ARX: variants seen among roughly 807,000 people sequenced by gnomAD.
The protein encoded by ARX is aristaless related homeobox.
Under a neutral mutation model 23.1 loss-of-function variants are expected in ARX, and 1 was observed. That is an observed-to-expected ratio of 0.04 (90% CI 0.02 to 0.21). The LOEUF (loss-of-function observed/expected upper bound fraction) is 0.21, where lower values mean the gene tolerates loss of function less well. ARX is among the 10% of genes least tolerant of loss of function. The pLI, the probability that ARX is intolerant of heterozygous loss-of-function variation, is 1.00. For synonymous variants in ARX, 301 were observed against 270.1 expected (o/e 1.11, Z -1.12); for missense variants, 380 against 527.5 (o/e 0.72, Z 2.74).
intron 1 of ARX, among the ~76,000 whole-genome samples, chrX:25,014,021 C>G (rs1020132805): frequency 2.3e-4 from 25 of 110,023 alleles, no homozygotes; most frequent in Admixed American, 6.6e-4. Context: ...TTCTTTTTTC[C>G]CCTTTCCTCT....
At chrX:25,005,333 G>C (rs369042004) in intron 4 of ARX, among the ~76,000 whole-genome samples, 1 of 73,624 alleles carries the variant, frequency 1.4e-5, no homozygotes, top group African/African-American at 9.5e-5. Context: ...AGGGAAGGTG[G>C]AGGGTGGGAG....
Position 25,004,520 on chromosome X carries a change from T to A in ARX, c.*150A>T. ...CGTCCCGGAGCGCCGAGGGCTGCCA[T>A]GCCCGCATCCAGACTGCTGTGAAGG... On this transcript the variant is annotated 3_prime_UTR_variant, in exon 5 of 5. Coordinates refer to ENST00000379044, the MANE Select transcript of ARX (RefSeq NM_139058.3). The A allele has an allele frequency of 2.0e-6, 2 of 1,013,683 alleles. No individual in the cohort carries two copies. Among genetic ancestry groups the A allele is most frequent in the Non-Finnish European group, 2.6e-6 (2 of 755,342 alleles). The allele number at this position is 1,013,683 out of a possible 1,213,427, so 83.5% of individuals were successfully genotyped here.
rs1460686418 is a variant in ARX at position 25,012,918 on chromosome X, A to C, written c.1073+4T>G. ...CTGCGACCGCGACCACCCTACGCGC[A>C]TACCTGGTGAAGACGTCCGGGTAGT... On this transcript the variant is annotated splice_donor_region_variant and intron_variant, in intron 2 of 4. Coordinates refer to ENST00000379044, the MANE Select transcript of ARX (RefSeq NM_139058.3). 1 of 1,203,869 alleles carries C rather than the reference A, an allele frequency of 8.3e-7. No individual in the cohort carries two copies. Among genetic ancestry groups the C allele is most frequent in the Admixed American group, 2.2e-5 (1 of 45,543 alleles).
Position 25,013,788 on chromosome X carries a change from C to G in ARX, c.207G>C (p.Lys69Asn). 14 of 928,701 alleles carry G rather than the reference C, an allele frequency of 1.5e-5. No individual in the cohort carries two copies. The highest frequency in any genetic ancestry group is 1.9e-5 in the Non-Finnish European group (14 of 749,790). The allele number at this position is 928,701 out of a possible 1,213,427, so 76.5% of individuals were successfully genotyped here. The change falls in exon 2 of 5, where the codon AAG becomes AAC. Residue 69 changes from lysine to asparagine, a missense_variant. Transcript: ENST00000379044. ...DPEKAVQGSP[K>N]SSSAPFEAEL... is the part of the protein sequence containing the mutation. ...CGGCCTCGAACGGGGCGCTGCTGCTCTTAGGGGAGCCTGCGGGCAAGGGAG... is the reference window on the plus strand; with the variant it reads ...CGGCCTCGAACGGGGCGCTGCTGCTGTTAGGGGAGCCTGCGGGCAAGGGAG...
At chrX:25,015,325 TA>T (rs2048722028) in intron 1 of ARX, among the ~76,000 whole-genome samples, 1 of 106,776 alleles carries the variant, frequency 9.4e-6, no homozygotes, top group African/African-American at 3.3e-5. Context: ...AAAGGCTCCC[TA>T]AGCGAAAACG....
intron 1 of ARX, 132 bp from the exon 2 acceptor site, chrX:25,013,930 T>C: frequency 5.9e-6 from 5 of 845,919 alleles, no homozygotes; most frequent in Non-Finnish European, 7.2e-6. Flanking sequence ...ACCACCAGAC[T>C]TCGACGCCTT....
At position 25,015,569 on chromosome X, in the gene ARX, G is replaced by A. The variant is rs2048723577; in HGVS notation, c.169C>T (p.Arg57Cys). The change falls in exon 1 of 5, where the codon CGC (arginine) becomes TGC (cysteine). Residue 57 changes from arginine to cysteine, a missense_variant. Physicochemically the swap from Arg to Cys is radical, Grantham distance 180 (BLOSUM62 -3). Around this residue, in one of 3 missense-constraint regions of ARX, gnomAD observed 235 missense variants for 270.2 expected, o/e 0.87. Transcript: ENST00000379044. ...TGCACGGCCTTTTCCGGGTCGGCGC[G>A]GCTGGTCAGCGGAGCAGGCAAGCTC... ...AQSLPAPLTSRADPEKAVQGS... is the reference protein window; with the variant it reads ...AQSLPAPLTSCADPEKAVQGS... The A allele has an allele frequency of 5.0e-6, 6 of 1,210,843 alleles. No individual in the cohort carries two copies. Among genetic ancestry groups the A allele is most frequent in the Non-Finnish European group, 6.7e-6 (6 of 895,086 alleles).
In ARX at chrX:25,007,275, G is replaced by A. The variant is rs1202135194; in HGVS notation, c.1284C>T (p.Ser428=). 3 of 1,115,839 alleles carry A rather than the reference G, an allele frequency of 2.7e-6. No homozygotes were observed. The highest frequency in any genetic ancestry group is 1.9e-5 in the African/African-American group (1 of 52,346). 92.0% of individuals were successfully genotyped at this position (1,115,839 alleles called of 1,213,427 possible). A position where few individuals can be genotyped will look rare whatever the true frequency, so the allele number is the denominator to read the frequency against. The change falls in exon 4 of 5, where the codon TCC becomes TCT. Residue 428 remains serine (S), a synonymous_variant. Transcript: ENST00000379044. ...PFPPHHPALD[S]AWTAAAAAAA... Reference sequence around the variant, plus strand: ...CGGCGGCGGCAGCGGCAGTCCAAGCGGAGTCGAGCGCCGGGTGGTGCGGAG... The same window carrying A: ...CGGCGGCGGCAGCGGCAGTCCAAGCAGAGTCGAGCGCCGGGTGGTGCGGAG...
At position 25,012,914 on chromosome X, in the gene ARX, G is replaced by A; in HGVS notation, c.1073+8C>T. On this transcript the variant is annotated splice_region_variant and intron_variant, in intron 2 of 4. Coordinates refer to ENST00000379044, the MANE Select transcript of ARX (RefSeq NM_139058.3). ...GCCGCTGCGACCGCGACCACCCTAC[G>A]CGCATACCTGGTGAAGACGTCCGGG... 3.3e-6 allele frequency: 4 copies of A among 1,203,255 alleles called. No homozygotes were observed. The highest frequency in any genetic ancestry group is 3.0e-5 in the East Asian group (1 of 33,595).
rs1291548880 is a variant in ARX at position 25,013,533 on chromosome X, C to A, written c.462G>T (p.Ala154=). 1.0e-5 allele frequency: 8 copies of A among 793,307 alleles called. No individual in the cohort carries two copies. In the African/African-American group the frequency reaches 1.9e-4, roughly 19 times the overall value. The allele number at this position is 793,307 out of a possible 1,213,427, so 65.4% of individuals were successfully genotyped here. The part of the protein sequence containing the change: ...AAAAAAAAAA[A]AWDTLKISQA... ...GGCTGATCTTGAGCGTGTCCCAGGC[C>A]GCGGCGGCCGCGGCCGCGGCTGCCG... is the stretch of plus-strand genomic sequence containing the variant. The change falls in exon 2 of 5, where the codon GCG becomes GCT. Residue 154 remains alanine, a synonymous_variant. Transcript: ENST00000379044.
In ARX at chrX:25,010,173, C is replaced by T. The variant is rs988846327; in HGVS notation, c.1119+87G>A. 11 of 955,597 alleles carry T rather than the reference C, an allele frequency of 1.2e-5. No homozygotes were observed. In the Admixed American group the frequency reaches 1.2e-4, roughly 11 times the overall value. The allele number at this position is 955,597 out of a possible 1,213,427, so 78.8% of individuals were successfully genotyped here. On this transcript the variant is annotated intron_variant, in intron 3 of 4. Coordinates refer to ENST00000379044, the MANE Select transcript of ARX (RefSeq NM_139058.3). ...GTTTTGTGAAGGGGATCTCACCCCC[C>T]GCACCCCCCCGCCACCAACCCATCT...
At chrX:25,011,120 C>A (rs887474871) in intron 2 of ARX, among the ~76,000 whole-genome samples, 1 of 112,286 alleles carries the variant, frequency 8.9e-6, no homozygotes, top group African/African-American at 3.2e-5. Context: ...ATGACCGCGC[C>A]GAGAATAATT....
At chrX:25,012,180 G>T (rs1424112050) in intron 2 of ARX, among the ~76,000 whole-genome samples, 1 of 112,624 alleles carries the variant, frequency 8.9e-6, no homozygotes, top group Non-Finnish European at 1.9e-5. Flanking sequence ...AGCAATCATT[G>T]TCCACCCGGT....
intron 3 of ARX, among the ~76,000 whole-genome samples, chrX:25,009,906 C>T (rs1313759527): frequency 9.0e-6 from 1 of 110,560 alleles, no homozygotes; most frequent in Non-Finnish European, 1.9e-5. Context: ...CAAATCCATG[C>T]TCCATCCCAT....
Position 25,012,902 on chromosome X carries a change from C to T in ARX, c.1073+20G>A, listed in dbSNP as rs776280666. On this transcript the variant is annotated intron_variant, in intron 2 of 4. Transcript: ENST00000379044. ...CGTGCGCTCTCTGCCGCTGCGACCG[C>T]GACCACCCTACGCGCATACCTGGTG... The T allele has an allele frequency of 1.0e-5, 12 of 1,199,207 alleles. No individual in the cohort carries two copies. In the Admixed American group the frequency reaches 1.8e-4, roughly 18 times the overall value.
intron 3 of ARX, among the ~76,000 whole-genome samples, chrX:25,008,509 A>C (rs2048688434): frequency 8.9e-6 from 1 of 111,968 alleles, no homozygotes; most frequent in Non-Finnish European, 1.9e-5. Flanking sequence ...CATGGCAGCT[A>C]CCATCATCTA....
chrX:25,011,168 C>G (rs1222178090), intron 2 of ARX, among the ~76,000 whole-genome samples: 1 of 112,460 alleles, frequency 8.9e-6, no homozygotes, highest in Non-Finnish European at 1.9e-5. Context: ...GCGGGGCCGC[C>G]GAAGCCTGGG....
chrX:25,008,472 G>A (rs954316492), intron 3 of ARX, among the ~76,000 whole-genome samples: 11 of 112,202 alleles, frequency 9.8e-5, no homozygotes, highest in African/African-American at 2.6e-4. Flanking sequence ...AATAGAAAGC[G>A]GTTTTAATGG....
In ARX at chrX:25,007,274, C is replaced by G. The variant is rs1489958192; in HGVS notation, c.1285G>C (p.Ala429Pro). The change falls in exon 4 of 5, where the codon GCT (alanine) becomes CCT (proline). Residue 429 changes from alanine (A) to proline (P), a missense_variant. Coordinates refer to ENST00000379044, the MANE Select transcript of ARX (RefSeq NM_139058.3). ...FPPHHPALDS[A>P]WTAAAAAAAA... is the part of the protein sequence containing the mutation. The stretch of plus-strand genomic sequence containing the variant: ...GCGGCGGCGGCAGCGGCAGTCCAAG[C>G]GGAGTCGAGCGCCGGGTGGTGCGGA... 9.0e-7 allele frequency: 1 copy of G among 1,116,097 alleles called. No homozygotes were observed. The highest frequency in any genetic ancestry group is 1.2e-6 in the Non-Finnish European group (1 of 855,073). The allele number at this position is 1,116,097 out of a possible 1,213,427, so 92.0% of individuals were successfully genotyped here. A position where few individuals can be genotyped will look rare whatever the true frequency, so the allele number is the denominator to read the frequency against.
Sources: allele counts gnomAD v4.1 joint callset (sites outside exome capture counted in the v4.1 genomes callset), GRCh38; gene constraint gnomAD v4.1.1; regional missense constraint gnomAD v4.1.1; transcripts MANE v1.5; gene names NCBI Gene and HGNC (gene_info 2026-07-23, HGNC 2026-07-21).